Variants in LRP4 observed in about 807,000 individuals in gnomAD.
LRP4 encodes LDL receptor related protein 4.
In LRP4, 95 loss-of-function variants were observed where a neutral mutation model predicts 220.3. That is an observed-to-expected ratio of 0.43 (90% CI 0.37 to 0.51). The LOEUF is 0.51. Among genes scored for constraint, LRP4 ranks in the 20% least tolerant of loss-of-function variants. The pLI is 0.00. For synonymous variants in LRP4, 903 were observed against 954.6 expected (o/e 0.95, Z 1.00); for missense variants, 1,925 against 2,567.0 (o/e 0.75, Z 5.40).
intron 24 of LRP4, 50 bp from the exon 25 acceptor site, chr11:46,876,687 C>T: frequency 1.2e-6 from 2 of 1,614,090 alleles, no homozygotes; most frequent in African/African-American, 1.3e-5. Context: ...AACAGATGGG[C>T]TATTTCCCCA....
chr11:46,860,343 G>T (rs1006442890), intron 37 of LRP4, among the ~76,000 whole-genome samples: 4 of 151,922 alleles, frequency 2.6e-5, no homozygotes, highest in Non-Finnish European at 5.9e-5. Flanking sequence ...ACCTTTTTTG[G>T]GAGGTTACTC....
chr11:46,893,105 T>A lies in LRP4; in HGVS notation c.1565A>T (p.His522Leu). ...TGAGTCGGTCCAGTAGAGTTTGTCA[T>A]GGACCCAATCCACAGCCAGGCCCCC... Reference protein sequence around the residue: ...SPGGLAVDWVHDKLYWTDSGT... With the variant: ...SPGGLAVDWVLDKLYWTDSGT... Residue 522 changes from histidine (H) to leucine (L), a missense_variant, in exon 13 of 38, where the codon CAT becomes CTT. Around this residue, in one of 3 missense-constraint regions of LRP4, gnomAD observed 269 missense variants for 436.7 expected, o/e 0.62. Transcript: ENST00000378623. 1.2e-6 allele frequency: 2 copies of A among 1,614,202 alleles called. No individual in the cohort carries two copies. Among genetic ancestry groups the A allele is most frequent in the Non-Finnish European group, 1.7e-6 (2 of 1,180,028 alleles).
At chr11:46,860,071 C>A (rs1940500924) in intron 37 of LRP4, among the ~76,000 whole-genome samples, 1 of 151,700 alleles carries the variant, frequency 6.6e-6, no homozygotes, top group Admixed American at 6.6e-5. Flanking sequence ...CCCATCTCTA[C>A]TAAAAATACA....
intron 12 of LRP4, 58 bp from the exon 13 acceptor site, chr11:46,893,187 T>C (rs964275112): frequency 5.8e-5 from 93 of 1,603,126 alleles, no homozygotes; most frequent in Middle Eastern, 1.7e-4. Flanking sequence ...CCATGTCCCA[T>C]AGTAATAGGA....
intron 1 of LRP4, among the ~76,000 whole-genome samples, chr11:46,912,056 G>T (rs1317875132): frequency 1.3e-5 from 2 of 152,068 alleles, no homozygotes. Flanking sequence ...GTTTCACCAT[G>T]TTGGCCAGGT....
Position 46,873,346 on chromosome 11 carries a change from G to A in LRP4, c.4448+29C>T. 3 of 1,613,018 alleles carry A rather than the reference G, an allele frequency of 1.9e-6. No homozygotes were observed. Among genetic ancestry groups the A allele is most frequent in the Non-Finnish European group, 2.5e-6 (3 of 1,179,280 alleles). ...CTTTCCACCCAGCCCTTCTTCCCTG[G>A]ATCTCTCTTCTGCTGGCCATAAACT... On this transcript the variant is annotated intron_variant, in intron 29 of 37. Coordinates refer to ENST00000378623, the MANE Select transcript of LRP4 (RefSeq NM_002334.4). The surrounding 1 kb of genome is among the most constrained non-coding windows in gnomAD (Gnocchi z 4.2).
chr11:46,873,685 A>G lies in LRP4; in HGVS notation c.4230-92T>C. ...TGTTCCCATAACTGGACCCCACTGAACTGTAAGCTCCACAGGGATAGAGAC... is the reference window on the plus strand; with the variant it reads ...TGTTCCCATAACTGGACCCCACTGAGCTGTAAGCTCCACAGGGATAGAGAC... On this transcript the variant is annotated intron_variant, in intron 28 of 37. Coordinates refer to ENST00000378623, the MANE Select transcript of LRP4 (RefSeq NM_002334.4). This position sits in a 1 kb window ranked among gnomAD's most constrained non-coding sequence, Gnocchi z 4.2. 1 of 998,628 alleles carries G rather than the reference A, an allele frequency of 1.0e-6. No homozygotes were observed. The highest frequency in any genetic ancestry group is 1.5e-6 in the Non-Finnish European group (1 of 658,110). 61.9% of individuals were successfully genotyped at this position (998,628 alleles called of 1,614,324 possible).
intron 7 of LRP4, among the ~76,000 whole-genome samples, chr11:46,897,330 TTGTC>T (rs1372184276): frequency 2.3e-4 from 31 of 132,286 alleles, no homozygotes; most frequent in Non-Finnish European, 1.9e-4. Context: ...AGTGGCCTGT[TTGTC>T]TTTTTTTTTT....
intron 1 of LRP4, among the ~76,000 whole-genome samples, chr11:46,907,316 C>T (rs1436578440): frequency 1.3e-5 from 2 of 152,212 alleles, no homozygotes; most frequent in African/African-American, 2.4e-5. Flanking sequence ...ATGAAGCCAT[C>T]CAGCTTTTGG....
rs761739869 is a variant in LRP4 at position 46,896,229 on chromosome 11, T to C, written c.1029A>G (p.Glu343=). The part of the protein sequence containing the change: ...GVNDCGDNSD[E]SPQQNCRPRT... ...ACTCACGGCAATTCTGCTGTGGGCT[T>C]TCGTCGCTGTTGTCACCACAGTCGT... Residue 343 remains glutamate (E), a synonymous_variant, in exon 9 of 38, where the codon GAA becomes GAG. Coordinates refer to ENST00000378623, the MANE Select transcript of LRP4 (RefSeq NM_002334.4). The C allele has an allele frequency of 2.5e-5, 41 of 1,614,090 alleles. No homozygotes were observed. The highest frequency in any genetic ancestry group is 3.5e-5 in the Non-Finnish European group (41 of 1,180,050).
intron 20 of LRP4, among the ~76,000 whole-genome samples, chr11:46,880,069 C>A (rs578248148): frequency 1.3e-5 from 2 of 152,316 alleles, no homozygotes; most frequent in Non-Finnish European, 2.9e-5. Flanking sequence ...CGCACCATTG[C>A]ACGCCAGTCT....
rs1356030589 is a variant in LRP4 at position 46,918,347 on chromosome 11, G to A, written c.33C>T (p.Gly11=). 1.3e-6 allele frequency: 2 copies of A among 1,488,588 alleles called. No homozygotes were observed. Among genetic ancestry groups the A allele is most frequent in the South Asian group, 2.5e-5 (2 of 79,904 alleles). 92.2% of individuals were successfully genotyped at this position (1,488,588 alleles called of 1,614,324 possible). ...GCTTACCGTGTGCGCAGAGCAGGGC[G>A]CCAAGCAGCAGCGCGCCCCACTGCC... MRRQWGALLL[G]ALLCAHGLAS... The change falls in exon 1 of 38, where the codon GGC becomes GGT. Residue 11 remains glycine, a synonymous_variant. Transcript: ENST00000378623. The surrounding 1 kb of genome is among the most constrained non-coding windows in gnomAD (Gnocchi z 6.0).
rs762291377 is a variant in LRP4 at position 46,881,742 on chromosome 11, T to C, written c.2774A>G (p.Lys925Arg). Residue 925 changes from lysine (K) to arginine (R), a missense_variant, in exon 20 of 38, where the codon AAG (lysine) becomes AGG (arginine). Around this residue, in one of 3 missense-constraint regions of LRP4, gnomAD observed 1,244 missense variants for 1,624.9 expected, o/e 0.77. Transcript: ENST00000378623. ...ATCCAGTCCAGCAAATTCAATTGTC[T>C]TCATGCCGGCGTCAGCCCAGTATAG... ...QRLYWADAGM[K>R]TIEFAGLDGS... 8 of 1,613,464 alleles carry C rather than the reference T, an allele frequency of 5.0e-6. No homozygotes were observed. The highest frequency in any genetic ancestry group is 1.6e-4 in the Middle Eastern group (1 of 6,062).
chr11:46,866,220 A>G (rs1283303203), intron 34 of LRP4, among the ~76,000 whole-genome samples: 1 of 151,528 alleles, frequency 6.6e-6, no homozygotes, highest in Non-Finnish European at 1.5e-5. Context: ...ATATATAGGT[A>G]TAGGATATTC....
At chr11:46,902,196 A>G (rs1330646087) in intron 2 of LRP4, among the ~76,000 whole-genome samples, 6 of 151,680 alleles carry the variant, frequency 4.0e-5, no homozygotes, top group Non-Finnish European at 8.8e-5. Flanking sequence ...CATCTCTACT[A>G]AAAATACAAA....
At chr11:46,877,438 T>A in intron 22 of LRP4, 99 bp from the exon 23 acceptor site, 3 of 1,245,042 alleles carry the variant, frequency 2.4e-6, no homozygotes, top group Non-Finnish European at 3.5e-6. Flanking sequence ...CCTGCTAGTT[T>A]CTAGCTATGT....
chr11:46,884,034 C>T, intron 18 of LRP4, 58 bp from the exon 19 acceptor site: 1 of 1,361,176 alleles, frequency 7.3e-7, no homozygotes, highest in African/African-American at 1.4e-5. Context: ...CTCTTACCTT[C>T]CATGGCCAAC....
At chr11:46,895,411 C>T (rs1481787312) in intron 10 of LRP4, 120 bp from the exon 11 acceptor site, 2 of 1,415,678 alleles carry the variant, frequency 1.4e-6, no homozygotes, top group Non-Finnish European at 2.0e-6. Flanking sequence ...AGTGGGAAGG[C>T]TGTCTAAGAA....
At chr11:46,881,520 C>T (rs559738203) in intron 20 of LRP4, among the ~76,000 whole-genome samples, 182 bp downstream of exon 20, 1 of 152,248 alleles carries the variant, frequency 6.6e-6, no homozygotes, top group East Asian at 1.9e-4. Flanking sequence ...ACCCCTGCCC[C>T]CAAGCTCTGG....
Sources: gnomAD v4.1 joint callset for allele counts (sites outside exome capture counted in the v4.1 genomes callset) on GRCh38, gnomAD v4.1.1 for gene constraint, gnomAD v4.1.1 regional missense constraint, Gnocchi (gnomAD v3.1) non-coding constraint, MANE v1.5 for transcripts, NCBI Gene and HGNC (gene_info 2026-07-23, HGNC 2026-07-21) for gene names.